Variants in CDK14 observed in about 807,000 individuals in gnomAD.
CDK14 encodes the protein cyclin-dependent kinase 14.
In CDK14, 34 loss-of-function variants were observed where a neutral mutation model predicts 60.7. That is an observed-to-expected ratio of 0.56 (90% CI 0.43 to 0.75). The LOEUF is 0.75. CDK14 is among the 30% of genes least tolerant of loss of function. The pLI is 0.00. For missense variants in CDK14, 482 were observed against 564.1 expected (o/e 0.85, Z 1.47); for synonymous variants, 197 against 203.7 (o/e 0.97, Z 0.28).
chr7:90,835,914 G>A (rs920910598), intron 5 of CDK14, among the ~76,000 whole-genome samples: 10 of 152,208 alleles, frequency 6.6e-5, no homozygotes, highest in African/African-American at 1.9e-4. Context: ...TTTTCCTATT[G>A]AATACTGTAG....
At chr7:91,155,686 T>C (rs1800961658) in intron 14 of CDK14, among the ~76,000 whole-genome samples, 1 of 152,222 alleles carries the variant, frequency 6.6e-6, no homozygotes, top group Non-Finnish European at 1.5e-5. Flanking sequence ...AAGATTGCAA[T>C]GTTTTATACA....
intron 2 of CDK14, among the ~76,000 whole-genome samples, chr7:90,641,516 A>G (rs1296547973): frequency 1.3e-5 from 2 of 152,228 alleles, no homozygotes; most frequent in Non-Finnish European, 2.9e-5. Flanking sequence ...GAAAGAAGCT[A>G]GTCACAAAGG....
chr7:90,795,659 GA>G (rs1173121987), intron 5 of CDK14, among the ~76,000 whole-genome samples: 2 of 152,086 alleles, frequency 1.3e-5, no homozygotes, highest in East Asian at 3.8e-4. Context: ...TGTGGAGGGA[GA>G]TAAGGTTAAA....
At chr7:91,171,209 G>A (rs545034440) in intron 14 of CDK14, among the ~76,000 whole-genome samples, 1 of 151,920 alleles carries the variant, frequency 6.6e-6, no homozygotes, top group East Asian at 2.0e-4. Context: ...AATTAGCTGG[G>A]CGTGGTGGCG....
intron 2 of CDK14, among the ~76,000 whole-genome samples, chr7:90,650,373 G>A (rs1311585241): frequency 2.0e-5 from 3 of 151,912 alleles, no homozygotes. Context: ...TTGTCAGATG[G>A]GTAGATTGCA....
chr7:90,631,160 ATAAC>A (rs978998755), intron 2 of CDK14, among the ~76,000 whole-genome samples: 3 of 152,180 alleles, frequency 2.0e-5, no homozygotes, highest in African/African-American at 7.2e-5. Context: ...AGCTGCTCAC[ATAAC>A]TTTTCTGAAT....
chr7:91,201,006 A>AT (rs1341546373), intron 14 of CDK14, among the ~76,000 whole-genome samples: 1 of 151,902 alleles, frequency 6.6e-6, no homozygotes, highest in East Asian at 1.9e-4. Context: ...AGTTATCCTA[A>AT]TTTTTTCATT....
chr7:90,694,542 G>T (rs1801618131), intron 2 of CDK14, among the ~76,000 whole-genome samples: 1 of 152,062 alleles, frequency 6.6e-6, no homozygotes, highest in Admixed American at 6.6e-5. Flanking sequence ...TTTGAAGTTT[G>T]TATTGGATAA....
At chr7:90,855,868 C>T (rs1486799945) in intron 5 of CDK14, among the ~76,000 whole-genome samples, 6 of 152,226 alleles carry the variant, frequency 3.9e-5, no homozygotes, top group Non-Finnish European at 5.9e-5. Context: ...TGTATCTCAC[C>T]GCTCTTTGCC....
rs928156116 is a variant in CDK14, at chr7:90,809,782, G to A, written c.544+19130G>A. Among the ~76,000 whole-genome samples the A allele has an allele frequency of 4.6e-5, 7 of 152,154 alleles. No individual in the cohort carries two copies. The South Asian group carries it at 1.0e-3, about 22-fold the overall frequency. Reference sequence around the variant, plus strand: ...AATAGAAGCAATAAAAAATGATAAAGGGGATATCACCACCAATCCCACAGA... The same window carrying A: ...AATAGAAGCAATAAAAAATGATAAAAGGGATATCACCACCAATCCCACAGA... On this transcript the variant is annotated intron_variant, in intron 5 of 14. Coordinates refer to ENST00000380050, the MANE Select transcript of CDK14 (RefSeq NM_001287135.2).
At chr7:91,182,486 CCTCTGTCT>C (rs1802035762) in intron 14 of CDK14, among the ~76,000 whole-genome samples, 1 of 151,896 alleles carries the variant, frequency 6.6e-6, no homozygotes, top group African/African-American at 2.4e-5. Context: ...TCTACCTCCA[CCTCTGTCT>C]CTCCTTCTCC....
chr7:91,112,581 G>A lies in CDK14; in HGVS notation c.1194G>A (p.Lys398=), dbSNP rs1799495768. The change falls in exon 13 of 15, where the codon AAG becomes AAA. Residue 398 remains lysine, a synonymous_variant. Transcript: ENST00000380050. ...ACCATGCAGAGGACCTGGCCTCCAAGCTCCTACAATGTTCCCCAAAGAACA... is the reference window on the plus strand; with the variant it reads ...ACCATGCAGAGGACCTGGCCTCCAAACTCCTACAATGTTCCCCAAAGAACA... ...YVNHAEDLAS[K]LLQCSPKNRL... 3.7e-6 allele frequency: 6 copies of A among 1,613,634 alleles called. No homozygotes were observed. Among genetic ancestry groups the A allele is most frequent in the Non-Finnish European group, 5.1e-6 (6 of 1,179,824 alleles).
chr7:90,614,926 T>C (rs1251133312), intron 2 of CDK14, among the ~76,000 whole-genome samples: 1 of 152,202 alleles, frequency 6.6e-6, no homozygotes, highest in Non-Finnish European at 1.5e-5. Flanking sequence ...TGGAAAATTA[T>C]TTTACAGTGG....
chr7:91,002,816 G>A (rs1368824930), intron 10 of CDK14, among the ~76,000 whole-genome samples: 1 of 152,146 alleles, frequency 6.6e-6, no homozygotes, highest in African/African-American at 2.4e-5. Flanking sequence ...GTTCACAGCT[G>A]TAATTCAGCA....
intron 5 of CDK14, among the ~76,000 whole-genome samples, chr7:90,804,281 C>G (rs891583273): frequency 6.6e-6 from 1 of 152,040 alleles, no homozygotes; most frequent in Non-Finnish European, 1.5e-5. Flanking sequence ...TATTTTAGAG[C>G]TTTATAATTA....
chr7:91,175,726 T>C (rs879354918), intron 14 of CDK14, among the ~76,000 whole-genome samples: 4,458 of 149,456 alleles, frequency 0.03, 169 homozygotes, highest in East Asian at 0.2. Context: ...CATTACATAA[T>C]GGTAAAGGGA....
chr7:90,613,090 A>G (rs1799577120), intron 2 of CDK14, among the ~76,000 whole-genome samples: 1 of 152,118 alleles, frequency 6.6e-6, no homozygotes, highest in South Asian at 2.1e-4. Context: ...CTCCCTAATT[A>G]TGGTAGACAT....
rs956506825 is a variant in CDK14, at chr7:91,210,334, TCTTTTA to T, written c.*3199_*3204del. ...GTGGATTTTTAAAGTTTTCCTTTTATCTTTTATTTTTTTTTGTATGATGCACTGAGA... is the reference window on the plus strand; with the variant it reads ...GTGGATTTTTAAAGTTTTCCTTTTATTTTTTTTTTGTATGATGCACTGAGA... On this transcript the variant is annotated 3_prime_UTR_variant, in exon 15 of 15. Transcript: ENST00000380050. 6 of 35,854 alleles carry T rather than the reference TCTTTTA, an allele frequency of 1.7e-4. No individual in the cohort carries two copies. Among genetic ancestry groups the T allele is most frequent in the Non-Finnish European group, 9.9e-5 (2 of 20,260 alleles). The allele number at this position is 35,854 out of a possible 1,614,324, so 2.2% of individuals were successfully genotyped here. A position where few individuals can be genotyped will look rare whatever the true frequency, so the allele number is the denominator to read the frequency against.
chr7:91,190,997 C>G (rs1802344463), intron 14 of CDK14, among the ~76,000 whole-genome samples: 1 of 152,136 alleles, frequency 6.6e-6, no homozygotes, highest in Non-Finnish European at 1.5e-5. Context: ...CAACCCCACA[C>G]TTTCAGATTT....
Sources: gnomAD v4.1 joint callset for allele counts (sites outside exome capture counted in the v4.1 genomes callset) on GRCh38, gnomAD v4.1.1 for gene constraint, MANE v1.5 for transcripts, NCBI Gene and HGNC (gene_info 2026-07-23, HGNC 2026-07-21) for gene names.